The following TMEM94 variants were observed in gnomAD, a reference collection of about 807,000 sequenced individuals.
TMEM94 encodes transmembrane protein 94, also known as ER Mg2+ ATPase.
A neutral mutation model predicts 158.6 loss-of-function variants in TMEM94; 81 were observed. That is an observed-to-expected ratio of 0.51 (90% CI 0.43 to 0.61). The LOEUF (loss-of-function observed/expected upper bound fraction) is 0.61, where lower values mean the gene tolerates loss of function less well. TMEM94 is among the 20% of genes least tolerant of loss of function. The pLI is 0.00. For missense variants in TMEM94, 1,435 were observed against 1,762.0 expected (o/e 0.81, Z 3.32); for synonymous variants, 751 against 730.7 (o/e 1.03, Z -0.45).
rs1162447993 is a variant in TMEM94, at chr17:75,487,856, CG to C, written c.410-74del. 3 of 1,258,882 alleles carry C rather than the reference CG, an allele frequency of 2.4e-6. No homozygotes were observed. The highest frequency in any genetic ancestry group is 3.6e-5 in the Admixed American group (2 of 56,192). 78.0% of individuals were successfully genotyped at this position (1,258,882 alleles called of 1,614,324 possible). A position where few individuals can be genotyped will look rare whatever the true frequency, so the allele number is the denominator to read the frequency against. On this transcript the variant is annotated intron_variant, in intron 5 of 31. Transcript: ENST00000314256. This position sits in a 1 kb window ranked among gnomAD's most constrained non-coding sequence, Gnocchi z 4.6. ...AGAGGAAGTGGGCAGACAGTGCTTC[CG>C]GAAGTGCTGCTGTATCTGACTGGGG...
At position 75,491,125 on chromosome 17, in the gene TMEM94, G is replaced by A. The variant is rs767982391; in HGVS notation, c.1205G>A (p.Ser402Asn). 1.9e-6 allele frequency: 3 copies of A among 1,613,298 alleles called. No individual in the cohort carries two copies. Among genetic ancestry groups the A allele is most frequent in the Admixed American group, 1.7e-5 (1 of 59,920 alleles). ...TCGCCAACGCTGAGCCACAGTTCCA[G>A]CCTGCTGCACAGCCTGGGCTCTGTC... Reference protein sequence around the residue: ...GTSPTLSHSSSLLHSLGSVTV... With the variant: ...GTSPTLSHSSNLLHSLGSVTV... The change falls in exon 12 of 32, where the codon AGC becomes AAC. Residue 402 changes from serine to asparagine, a missense_variant. Transcript: ENST00000314256. The surrounding 1 kb of genome is among the most constrained non-coding windows in gnomAD (Gnocchi z 5.1).
At chr17:75,459,236 G>C (rs1223829316) in intron 1 of TMEM94, among the ~76,000 whole-genome samples, 1 of 152,154 alleles carries the variant, frequency 6.6e-6, no homozygotes, top group Non-Finnish European at 1.5e-5. Flanking sequence ...AGGGAAACTG[G>C]TGGATACTGT....
intron 1 of TMEM94, 89 bp from the exon 2 acceptor site, chr17:75,471,710 TC>T: frequency 1.9e-6 from 1 of 536,438 alleles, no homozygotes. Flanking sequence ...TGAGACTCCG[TC>T]TCAAAAAAAA....
At chr17:75,461,793 A>G (rs1412343990) in intron 1 of TMEM94, among the ~76,000 whole-genome samples, 1 of 150,676 alleles carries the variant, frequency 6.6e-6, no homozygotes, top group Admixed American at 6.6e-5. Context: ...GGGCGCCTGC[A>G]GTCCCAGCTA....
At chr17:75,463,168 GTGTGTGTGTGTATA>G (rs72357475) in intron 1 of TMEM94, among the ~76,000 whole-genome samples, 51,242 of 68,760 alleles carry the variant, frequency 0.75, 20,358 homozygotes, top group Non-Finnish European at 0.82. Flanking sequence ...ATATGTGTGT[GTGTGTGTGTGTATA>G]TATATATATA....
chr17:75,478,703 G>A (rs1287271808), intron 2 of TMEM94, among the ~76,000 whole-genome samples: 1 of 152,226 alleles, frequency 6.6e-6, no homozygotes, highest in African/African-American at 2.4e-5. Context: ...GACTTCCTTA[G>A]AGCCGTGTTA....
chr17:75,471,238 CAAAAA>C (rs763388343), intron 1 of TMEM94, among the ~76,000 whole-genome samples: 1 of 69,990 alleles, frequency 1.4e-5, no homozygotes. Flanking sequence ...GAATCCGTCT[CAAAAA>C]AAAAAAAAAA....
In TMEM94 at chr17:75,499,304, A is replaced by T. The variant is rs1028536397; in HGVS notation, c.4041A>T (p.Glu1347Asp). ...RYQKRQKLQF[E>D]TKLGMNSPF Reference sequence around the variant, plus strand: ...AGAAGCGACAGAAGCTGCAGTTTGAAACTAAGCTGGGCATGAACTCTCCCT... The same window carrying T: ...AGAAGCGACAGAAGCTGCAGTTTGATACTAAGCTGGGCATGAACTCTCCCT... Residue 1347 changes from glutamate (E) to aspartate (D), a missense_variant, in exon 32 of 32, where the codon GAA becomes GAT. Glu to Asp is a conservative substitution (Grantham distance 45). Transcript: ENST00000314256. The T allele has an allele frequency of 1.2e-6, 2 of 1,613,592 alleles. No homozygotes were observed. The highest frequency in any genetic ancestry group is 1.7e-6 in the Non-Finnish European group (2 of 1,179,990).
intron 1 of TMEM94, among the ~76,000 whole-genome samples, chr17:75,460,332 C>G (rs1030684251): frequency 1.4e-4 from 21 of 152,092 alleles, no homozygotes; most frequent in African/African-American, 3.9e-4. Context: ...TGGTACCAGT[C>G]TTGCTTGGTA....
chr17:75,496,420 C>T lies in TMEM94; in HGVS notation c.3192C>T (p.Ser1064=). ...LSGQLNSLPC[S]LTFRQEETIS... ...GGCAGCTCAACAGCCTGCCCTGTTCCCTGACCTTTCGCCAGGAGGAGACCA... is the reference window on the plus strand; with the variant it reads ...GGCAGCTCAACAGCCTGCCCTGTTCTCTGACCTTTCGCCAGGAGGAGACCA... Residue 1064 remains serine, a synonymous_variant, in exon 24 of 32, where the codon TCC becomes TCT. Transcript: ENST00000314256. 1.2e-6 allele frequency: 2 copies of T among 1,613,786 alleles called. No homozygotes were observed. Among genetic ancestry groups the T allele is most frequent in the Non-Finnish European group, 1.7e-6 (2 of 1,180,000 alleles).
intron 1 of TMEM94, among the ~76,000 whole-genome samples, chr17:75,458,721 T>C (rs1598290047): frequency 7.0e-6 from 1 of 142,216 alleles, no homozygotes; most frequent in Non-Finnish European, 1.5e-5. Context: ...AGTCATGGAA[T>C]CAAAAAGTTT....
chr17:75,492,147 T>G lies in TMEM94; in HGVS notation c.1596+247T>G, dbSNP rs1197033542. On this transcript the variant is annotated intron_variant, in intron 14 of 31. Coordinates refer to ENST00000314256, the MANE Select transcript of TMEM94 (RefSeq NM_014738.6). This position sits in a 1 kb window ranked among gnomAD's most constrained non-coding sequence, Gnocchi z 4.4. ...TGTCCCTACTGGAACCTTCCAAATATACACAGCCCGGAGCTCCCTCTTAGA... is the reference window on the plus strand; with the variant it reads ...TGTCCCTACTGGAACCTTCCAAATAGACACAGCCCGGAGCTCCCTCTTAGA... 1.1e-6 allele frequency: 1 copy of G among 929,842 alleles called. No homozygotes were observed. The highest frequency in any genetic ancestry group is 1.7e-5 in the African/African-American group (1 of 59,874). 57.6% of individuals were successfully genotyped at this position (929,842 alleles called of 1,614,324 possible). A position where few individuals can be genotyped will look rare whatever the true frequency, so the allele number is the denominator to read the frequency against.
intron 1 of TMEM94, among the ~76,000 whole-genome samples, chr17:75,469,815 T>G (rs1376260510): frequency 6.6e-6 from 1 of 151,690 alleles, no homozygotes; most frequent in African/African-American, 2.4e-5. Context: ...TAAATAAAAA[T>G]GCCAATAAAT....
chr17:75,476,265 CTCTG>C (rs756830089), intron 2 of TMEM94, among the ~76,000 whole-genome samples: 54 of 152,150 alleles, frequency 3.5e-4, no homozygotes, highest in Non-Finnish European at 6.9e-4. Context: ...CCATCTATCC[CTCTG>C]TCTGTCCATA....
At chr17:75,457,364 C>T (rs1421874272) in intron 1 of TMEM94, 2 of 152,218 alleles carry the variant, frequency 1.3e-5, no homozygotes, top group Non-Finnish European at 2.9e-5. Flanking sequence ...GGAATGCCCT[C>T]GTTCCTGTAC....
chr17:75,475,379 G>A (rs766628904), intron 2 of TMEM94, among the ~76,000 whole-genome samples: 7 of 152,170 alleles, frequency 4.6e-5, no homozygotes, highest in African/African-American at 7.2e-5. Context: ...AGATGGTGTC[G>A]TCTAGGAAAC....
In TMEM94 at chr17:75,487,470, TC is replaced by T. The variant is rs2051718907; in HGVS notation, c.410-461del. On this transcript the variant is annotated intron_variant, in intron 5 of 31. Transcript: ENST00000314256. The surrounding 1 kb of genome is among the most constrained non-coding windows in gnomAD (Gnocchi z 4.6). ...TCCTCTTTCAGGAAGCCACCTCTGA[TC>T]GCCCCAGCAAATCGGTTTGCTCCCT... is the stretch of plus-strand genomic sequence containing the variant. The T allele has an allele frequency of 6.3e-6, 1 of 159,508 alleles. No individual in the cohort carries two copies. The highest frequency in any genetic ancestry group is 6.2e-5 in the Admixed American group (1 of 16,042). The allele number at this position is 159,508 out of a possible 1,614,324, so 9.9% of individuals were successfully genotyped here.
chr17:75,458,845 CAGG>C (rs555323281), intron 1 of TMEM94, among the ~76,000 whole-genome samples: 1,729 of 152,140 alleles, frequency 0.011, 17 homozygotes, highest in Non-Finnish European at 0.018. Flanking sequence ...ATCACGAGGT[CAGG>C]AGATCAAGAC....
At chr17:75,476,626 C>T (rs2050704575) in intron 2 of TMEM94, 4 of 1,531,116 alleles carry the variant, frequency 2.6e-6, no homozygotes, top group Non-Finnish European at 3.5e-6. Context: ...TTTTCACCCT[C>T]CCCGCTTTGA....
Sources: gnomAD v4.1 joint callset for allele counts (sites outside exome capture counted in the v4.1 genomes callset) on GRCh38, gnomAD v4.1.1 for gene constraint, Gnocchi (gnomAD v3.1) non-coding constraint, MANE v1.5 for transcripts, NCBI Gene and HGNC (gene_info 2026-07-23, HGNC 2026-07-21) for gene names.